SPATA13: variants seen among roughly 807,000 people sequenced by gnomAD.
SPATA13 encodes the protein spermatogenesis-associated protein 13.
SPATA13 carries 50 observed loss-of-function variants against 104.0 expected under a neutral mutation model. That is an observed-to-expected ratio of 0.48 (90% confidence interval 0.38 to 0.61). SPATA13 has a LOEUF of 0.61. SPATA13 is among the 20% of genes least tolerant of loss of function. The probability of loss-of-function intolerance (pLI) is 0.00; values close to 1 mark genes in which losing one functional copy is unlikely to be tolerated. For missense variants in SPATA13, 1,524 were observed against 1,690.6 expected (o/e 0.90, Z 1.73); for synonymous variants, 606 against 667.5 (o/e 0.91, Z 1.42).
intron 1 of SPATA13, among the ~76,000 whole-genome samples, chr13:24,206,841 G>C (rs1188190521): frequency 6.7e-6 from 1 of 149,156 alleles, no homozygotes; most frequent in Non-Finnish European, 1.5e-5. Context: ...GCAGTAAGCT[G>C]AGATTGTGCT....
chr13:24,105,356 C>G (rs1196061711), intron 3 of SPATA13, among the ~76,000 whole-genome samples: 2 of 151,810 alleles, frequency 1.3e-5, no homozygotes, highest in African/African-American at 4.8e-5. Flanking sequence ...CCAGGCTGGT[C>G]TCAAACTCCT....
chr13:24,018,995 C>T (rs1279816142), intron 3 of SPATA13, among the ~76,000 whole-genome samples: 1 of 152,012 alleles, frequency 6.6e-6, no homozygotes, highest in African/African-American at 2.4e-5. Flanking sequence ...TTGAGTGGAT[C>T]TCAACAGACA....
chr13:24,068,714 T>G (rs1879054838), intron 3 of SPATA13, among the ~76,000 whole-genome samples: 4 of 152,238 alleles, frequency 2.6e-5, no homozygotes, highest in Non-Finnish European at 1.5e-5. Flanking sequence ...CCATTCTGAC[T>G]GGCATGAGAT....
rs1348601314 is a variant in SPATA13 at position 24,214,464 on chromosome 13, C to T, written c.-111-8355C>T. Reference sequence around the variant, plus strand: ...TTTTCTCTTTACAATGCATGTGCTTCTCTAAAAGTAAAAGAAACTGCTCTA... The same window carrying T: ...TTTTCTCTTTACAATGCATGTGCTTTTCTAAAAGTAAAAGAAACTGCTCTA... On this transcript the variant is annotated intron_variant, in intron 1 of 12. Coordinates refer to ENST00000382108, the MANE Select transcript of SPATA13 (RefSeq NM_001166271.3). Among the ~76,000 whole-genome samples, 4 of 152,294 alleles carry T rather than the reference C, an allele frequency of 2.6e-5. No homozygotes were observed. In the East Asian group the frequency reaches 7.7e-4, roughly 29 times the overall value.
At chr13:24,200,692 G>A (rs1027122845) in intron 1 of SPATA13, among the ~76,000 whole-genome samples, 4 of 150,596 alleles carry the variant, frequency 2.7e-5, no homozygotes, top group African/African-American at 7.3e-5. Flanking sequence ...TTTTGCTCTC[G>A]GTGGTCCCCT....
chr13:23,982,790 G>A (rs1303799114), intron 1 of SPATA13, among the ~76,000 whole-genome samples: 11 of 152,212 alleles, frequency 7.2e-5, no homozygotes, highest in Non-Finnish European at 1.3e-4. Flanking sequence ...CAGAAAGGAA[G>A]AGGTGCATCT....
chr13:24,185,997 G>T (rs1021102755), intron 1 of SPATA13, among the ~76,000 whole-genome samples: 11 of 152,086 alleles, frequency 7.2e-5, no homozygotes, highest in African/African-American at 2.7e-4. Context: ...AGTCTTTTAA[G>T]GCCTTCAACT....
chr13:24,187,266 A>G (rs571352402), intron 1 of SPATA13, among the ~76,000 whole-genome samples: 9 of 152,288 alleles, frequency 5.9e-5, no homozygotes, highest in Admixed American at 5.9e-4. Flanking sequence ...CCTGCCTCAG[A>G]GTGACACATG....
chr13:24,305,462 G>A lies in SPATA13; in HGVS notation c.*2689G>A, dbSNP rs1407479764. The A allele has an allele frequency of 6.6e-6, 1 of 152,170 alleles. No homozygotes were observed. Among genetic ancestry groups the A allele is most frequent in the South Asian group, 2.1e-4 (1 of 4,832 alleles). 9.4% of individuals were successfully genotyped at this position (152,170 alleles called of 1,614,324 possible). On this transcript the variant is annotated 3_prime_UTR_variant, in exon 13 of 13. Coordinates refer to ENST00000382108, the MANE Select transcript of SPATA13 (RefSeq NM_001166271.3). ...CCTTTGACTTCTTGAAAATCTGCAT[G>A]TCTGGCTTGGGTTTTATTACCACAT...
At chr13:24,225,492 G>A (rs1871881162) in intron 2 of SPATA13, among the ~76,000 whole-genome samples, 1 of 152,246 alleles carries the variant, frequency 6.6e-6, no homozygotes, top group South Asian at 2.1e-4. Flanking sequence ...TGGGCTCCCA[G>A]AAGGGCCACA....
intron 3 of SPATA13, among the ~76,000 whole-genome samples, chr13:24,060,405 C>T (rs752598112): frequency 5.9e-5 from 9 of 152,142 alleles, no homozygotes; most frequent in Non-Finnish European, 1.3e-4. Flanking sequence ...AGTTGGATCC[C>T]TTCCTTACAC....
chr13:24,111,671 G>A (rs1880643433), intron 3 of SPATA13, among the ~76,000 whole-genome samples: 1 of 152,200 alleles, frequency 6.6e-6, no homozygotes, highest in South Asian at 2.1e-4. Flanking sequence ...CTCCCAAAGT[G>A]CTGGAATTAT....
chr13:24,122,563 C>T lies in SPATA13; in HGVS notation c.-111-100256C>T, dbSNP rs74040217. ...GTGCCACGCCCTTTGCACTGCAGAG[C>T]GATGACCTCTAACAATTTTGTTGCA... On this transcript the variant is annotated intron_variant, in intron 3 of 14. Transcript: ENST00000424834. 4.1e-3 allele frequency: 6,396 copies of T among 1,560,218 alleles called. 245 individuals are homozygous for T. In the African/African-American group the frequency reaches 0.077, roughly 19 times the overall value.
chr13:24,123,686 G>A, intron 3 of SPATA13: 1 of 1,582,310 alleles, frequency 6.3e-7, no homozygotes. Context: ...ATTCGTAAGG[G>A]TCTTCTTGCC....
intron 2 of SPATA13, among the ~76,000 whole-genome samples, chr13:23,988,025 C>T (rs9507207): frequency 0.27 from 40,169 of 151,382 alleles, 5,558 homozygotes; most frequent in Middle Eastern, 0.33. Context: ...TTTACTGCAA[C>T]CTGTGTCTGC....
At position 24,224,164 on chromosome 13, in the gene SPATA13, T is replaced by C; in HGVS notation, c.1235T>C (p.Leu412Pro). 6.4e-7 allele frequency: 1 copy of C among 1,551,778 alleles called. No homozygotes were observed. ...HLDADTAVFP[L>P]ETKSSWAVES... ...GACGCTGACACTGCCGTATTTCCTC[T>C]TGAAACCAAAAGTTCCTGGGCGGTG... Residue 412 changes from leucine to proline, a missense_variant, in exon 2 of 13, where the codon CTT (leucine) becomes CCT (proline). This residue lies in a region of SPATA13 where 1,089 missense variants were observed against 1,135.9 expected (regional missense o/e 0.96). Coordinates refer to ENST00000382108, the MANE Select transcript of SPATA13 (RefSeq NM_001166271.3).
chr13:24,240,807 G>C (rs80274457), intron 2 of SPATA13, among the ~76,000 whole-genome samples: 96 of 152,196 alleles, frequency 6.3e-4, no homozygotes, highest in African/African-American at 2.2e-3. Context: ...TGTGTTTTTC[G>C]CATCTTTTAT....
At chr13:24,085,588 CCTT>C (rs771528726) in intron 3 of SPATA13, among the ~76,000 whole-genome samples, 13 of 152,154 alleles carry the variant, frequency 8.5e-5, no homozygotes, top group Non-Finnish European at 1.3e-4. Flanking sequence ...GGAAGGTGCT[CCTT>C]CTGCCACCAC....
At chr13:24,056,844 G>T (rs573711924) in intron 3 of SPATA13, among the ~76,000 whole-genome samples, 2 of 151,888 alleles carry the variant, frequency 1.3e-5, no homozygotes, top group African/African-American at 4.8e-5. Context: ...CCCTCACATC[G>T]TCCTGCACAT....
Sources: allele counts gnomAD v4.1 joint callset (sites outside exome capture counted in the v4.1 genomes callset), GRCh38; gene constraint gnomAD v4.1.1; regional missense constraint gnomAD v4.1.1; transcripts MANE v1.5; gene names NCBI Gene and HGNC (gene_info 2026-07-23, HGNC 2026-07-21).